NEB: variants seen among roughly 807,000 people sequenced by gnomAD.
NEB encodes nemaline myopathy type 2.
In NEB, 512 loss-of-function variants were observed where a neutral mutation model predicts 952.2. The ratio of observed to expected loss-of-function variants is 0.54; its 90% CI spans 0.50 to 0.58. The LOEUF is 0.58. Among genes scored for constraint, NEB ranks in the 20% least tolerant of loss-of-function variants. The pLI, the probability that NEB is intolerant of heterozygous loss-of-function variation, is 0.00. For synonymous variants in NEB, 2,900 were observed against 3,149.8 expected, an observed-to-expected ratio of 0.92 and a Z score of 2.66; for missense variants, 8,428 against 9,231.1, an observed-to-expected ratio of 0.91 and a Z score of 3.56.
chr2:151,703,861 G>A (rs1196839501), intron 13 of NEB, among the ~76,000 whole-genome samples: 38 of 119,358 alleles, frequency 3.2e-4, no homozygotes, highest in African/African-American at 6.5e-4. Flanking sequence ...CTCTCAGCTC[G>A]TCAAAGTCAT....
At chr2:151,690,276 C>A (rs945513156) in intron 24 of NEB, 2 of 176,516 alleles carry the variant, frequency 1.1e-5, no homozygotes, top group African/African-American at 4.8e-5. Flanking sequence ...CACTTTAATT[C>A]TGTAGCACCA....
chr2:151,615,409 G>GTGAAGAAGGTGTTTCC (rs2098159845), intron 76 of NEB, among the ~76,000 whole-genome samples: 1 of 152,030 alleles, frequency 6.6e-6, no homozygotes, highest in Non-Finnish European at 1.5e-5. Context: ...GAGGTGTTTC[G>GTGAAGAAGGTGTTTCC]CATGTGAAGA....
At chr2:151,723,679 T>C (rs2099781203) in intron 8 of NEB, among the ~76,000 whole-genome samples, 193 bp from the exon 9 acceptor site, 1 of 152,108 alleles carries the variant, frequency 6.6e-6, no homozygotes, top group African/African-American at 2.4e-5. Context: ...CCCTGCTTTT[T>C]CTTATTTTCA....
chr2:151,731,903 A>G (rs2099810144), intron 3 of NEB, among the ~76,000 whole-genome samples: 1 of 152,214 alleles, frequency 6.6e-6, no homozygotes, highest in South Asian at 2.1e-4. Flanking sequence ...TATCAGCATG[A>G]AAGATGTGGT....
At chr2:151,504,411 T>A (rs1404102443) in intron 165 of NEB, among the ~76,000 whole-genome samples, 1 of 152,218 alleles carries the variant, frequency 6.6e-6, no homozygotes, top group Non-Finnish European at 1.5e-5. Flanking sequence ...CAAGAAGTTG[T>A]AATGCAAAGT....
Position 151,496,980 on chromosome 2 carries a change from C to T in NEB, c.24354G>A (p.Glu8118=). Residue 8118 remains glutamate, a synonymous_variant, in exon 172 of 182, where the codon GAG becomes GAA. Transcript: ENST00000397345. ...CTTGATTGTGTTTGACTCTCTCCATCTCAGGAGTGACAGGTAGAGGGGTTC... is the reference window on the plus strand; with the variant it reads ...CTTGATTGTGTTTGACTCTCTCCATTTCAGGAGTGACAGGTAGAGGGGTTC... ...GKGTPLPVTP[E]MERVKHNQEN... 6.3e-7 allele frequency: 1 copy of T among 1,581,708 alleles called. No homozygotes were observed. Among genetic ancestry groups the T allele is most frequent in the Non-Finnish European group, 8.6e-7 (1 of 1,161,718 alleles).
intron 10 of NEB, among the ~76,000 whole-genome samples, chr2:151,713,794 A>T (rs1453928256): frequency 6.6e-6 from 1 of 152,190 alleles, no homozygotes; most frequent in Non-Finnish European, 1.5e-5. Context: ...AGACAGAAGG[A>T]AGTATGTAGC....
chr2:151,534,092 G>C (rs995540208), intron 142 of NEB: 3 of 733,596 alleles, frequency 4.1e-6, no homozygotes, highest in Admixed American at 2.3e-5. Context: ...CAGATACTTT[G>C]AAACAGAACA....
intron 77 of NEB, among the ~76,000 whole-genome samples, chr2:151,612,728 T>G (rs2098036193): frequency 6.6e-6 from 1 of 152,252 alleles, no homozygotes; most frequent in Admixed American, 6.5e-5. Context: ...GAAACTGTAC[T>G]GGGTGAGAAT....
Position 151,643,302 on chromosome 2 carries a change from T to TGGTG in NEB, c.8007_8008insCACC (p.Ser2670HisfsTer8). On this transcript the variant is annotated frameshift_variant, in exon 58 of 182. Coordinates refer to ENST00000397345, the MANE Select transcript of NEB (RefSeq NM_001164508.2). LOFTEE classifies it high-confidence loss of function. ...TTTTTCTCATCCTCGAGAGAACCAC[T>TGGTG]AGTCATCCAGCCAATGCCTTTTAGC... 6.2e-7 allele frequency: 1 copy of TGGTG among 1,613,942 alleles called. No individual in the cohort carries two copies. Among genetic ancestry groups the TGGTG allele is most frequent in the Non-Finnish European group, 8.5e-7 (1 of 1,179,842 alleles).
intron 3 of NEB, among the ~76,000 whole-genome samples, chr2:151,732,458 T>C (rs1046827646): frequency 6.6e-6 from 1 of 152,194 alleles, no homozygotes; most frequent in Non-Finnish European, 1.5e-5. Context: ...CCCACTATAG[T>C]CTTTGTTCTT....
At chr2:151,616,797 T>C (rs1488968898) in intron 75 of NEB, among the ~76,000 whole-genome samples, 2 of 152,200 alleles carry the variant, frequency 1.3e-5, no homozygotes, top group African/African-American at 4.8e-5. Context: ...GACAATATTT[T>C]AAAATGTACT....
chr2:151,492,234 TG>T lies in NEB; in HGVS notation c.24920del (p.Pro8307GlnfsTer3). 1 of 1,613,950 alleles carries T rather than the reference TG, an allele frequency of 6.2e-7. No individual in the cohort carries two copies. Among genetic ancestry groups the T allele is most frequent in the Middle Eastern group, 1.7e-4 (1 of 6,060 alleles). ...GTTCAGTGATAGGATCTGTCACCACTGGTGTGAAGCAACCCTTGTGTTTCTC... is the reference window on the plus strand; with the variant it reads ...GTTCAGTGATAGGATCTGTCACCACTGTGTGAAGCAACCCTTGTGTTTCTC... ...DFEKHKGCFT[P>X]VVTDPITERV... On this transcript the variant is annotated frameshift_variant, in exon 178 of 182. Transcript: ENST00000397345. LOFTEE classifies it high-confidence loss of function.
At position 151,694,574 on chromosome 2, in the gene NEB, A is replaced by G; in HGVS notation, c.1730T>C (p.Val577Ala). 1 of 1,609,014 alleles carries G rather than the reference A, an allele frequency of 6.2e-7. No homozygotes were observed. Among genetic ancestry groups the G allele is most frequent in the South Asian group, 1.1e-5 (1 of 90,466 alleles). ...GGCTGCCAGCAGGGGAATGGCATCC[A>G]CTTTAATGTCAAACTTTTTGGCTTT... is the stretch of plus-strand genomic sequence containing the variant. ...KSKAKKFDIK[V>A]DAIPLLAAKA... The change falls in exon 19 of 182, where the codon GTG becomes GCG. Residue 577 changes from valine to alanine, a missense_variant. Transcript: ENST00000397345.
At chr2:151,524,762 AT>A in intron 151 of NEB, 146 bp from the exon 152 acceptor site, 2 of 666,772 alleles carry the variant, frequency 3.0e-6, no homozygotes, top group Non-Finnish European at 4.9e-6. Context: ...TGTCTCCCGG[AT>A]TCAAGTGATT....
Position 151,697,577 on chromosome 2 carries a change from C to G in NEB, c.1224G>C (p.Lys408Asn). The G allele has an allele frequency of 2.5e-6, 4 of 1,613,312 alleles. No individual in the cohort carries two copies. The highest frequency in any genetic ancestry group is 3.4e-6 in the Non-Finnish European group (4 of 1,179,734). ...TGAAGTTCTGCAGAACAGTATCGAG[C>G]TTGAATTTGGGGGTCTCGCAGTAAT... ...SINYCETPKF[K>N]LDTVLQNFSS... Residue 408 changes from lysine (K) to asparagine (N), a missense_variant, in exon 14 of 182, where the codon AAG becomes AAC. Around this residue, in one of 11 missense-constraint regions of NEB, gnomAD observed 2,851 missense variants for 2,791.5 expected, o/e 1.02. Transcript: ENST00000397345.
At chr2:151,625,448 A>ATTTCGTAATTAATTTAATTAATG in intron 71 of NEB, 86 bp downstream of exon 71, 2 of 1,042,102 alleles carry the variant, frequency 1.9e-6, no homozygotes, top group Non-Finnish European at 2.7e-6. Flanking sequence ...ACTGGCTTAC[A>ATTTCGTAATTAATTTAATTAATG]TGAGGATTAA....
intron 181 of NEB, among the ~76,000 whole-genome samples, chr2:151,489,272 G>A (rs893477274): frequency 6.6e-6 from 1 of 152,130 alleles, no homozygotes; most frequent in African/African-American, 2.4e-5. Context: ...GAGATCCAGG[G>A]TTTTAAACTA....
At chr2:151,565,218 C>T (rs2096299886) in intron 116 of NEB, 70 bp from the exon 117 acceptor site, 13 of 845,202 alleles carry the variant, frequency 1.5e-5, no homozygotes, top group Middle Eastern at 3.6e-4. Flanking sequence ...TACCTAGAAA[C>T]ATAATCAGTC....
Sources: allele counts gnomAD v4.1 joint callset (sites outside exome capture counted in the v4.1 genomes callset), GRCh38; gene constraint gnomAD v4.1.1; regional missense constraint gnomAD v4.1.1; transcripts MANE v1.5; gene names NCBI Gene and HGNC (gene_info 2026-07-23, HGNC 2026-07-21).